CDH22: variants seen among roughly 807,000 people sequenced by gnomAD.
CDH22 encodes cadherin-22.
A neutral mutation model predicts 58.4 loss-of-function variants in CDH22; 30 were observed. The ratio of observed to expected loss-of-function variants is 0.51; its 90% CI spans 0.38 to 0.70. The LOEUF is 0.70. Among genes scored for constraint, CDH22 ranks in the 30% least tolerant of loss-of-function variants. The probability of loss-of-function intolerance (pLI) is 0.00; values close to 1 mark genes in which losing one functional copy is unlikely to be tolerated. For synonymous variants in CDH22, 513 were observed against 558.2 expected, an observed-to-expected ratio of 0.92 and a Z score of 1.14; for missense variants, 1,014 against 1,233.9, an observed-to-expected ratio of 0.82 and a Z score of 2.67.
intron 3 of CDH22, among the ~76,000 whole-genome samples, chr20:46,239,557 C>T (rs956172687): frequency 1.3e-5 from 2 of 152,248 alleles, no homozygotes; most frequent in Non-Finnish European, 2.9e-5. Context: ...GCTGGGCTGA[C>T]AGCACCCTCT....
chr20:46,214,749 C>G (rs1339282557), intron 5 of CDH22, among the ~76,000 whole-genome samples: 1 of 152,230 alleles, frequency 6.6e-6, no homozygotes. Context: ...TCCAGGGAAC[C>G]TTCCCAGACC....
Position 46,186,443 on chromosome 20 carries a change from C to T in CDH22, c.1663+145G>A, listed in dbSNP as rs539538153. The T allele has an allele frequency of 8.9e-6, 6 of 670,990 alleles. No homozygotes were observed. The African/African-American group carries it at 1.1e-4, about 12-fold the overall frequency. 41.6% of individuals were successfully genotyped at this position (670,990 alleles called of 1,614,324 possible). On this transcript the variant is annotated intron_variant, in intron 10 of 11. Transcript: ENST00000537909. ...TGTGTTTGGCCAGTGGGCTGGGTAA[C>T]AGCTCCAGCTTGGCCCAGACTTTCC...
At chr20:46,261,512 A>G (rs1385853357) in intron 1 of CDH22, among the ~76,000 whole-genome samples, 1 of 152,216 alleles carries the variant, frequency 6.6e-6, no homozygotes, top group East Asian at 1.9e-4. Flanking sequence ...GGGAAAGGGT[A>G]GTTCAGGAAG....
intron 8 of CDH22, among the ~76,000 whole-genome samples, chr20:46,191,581 C>A (rs1455573032): frequency 6.6e-6 from 1 of 152,150 alleles, no homozygotes; most frequent in Non-Finnish European, 1.5e-5. Context: ...CCCATTTCGT[C>A]CTGTCAACCA....
intron 1 of CDH22, among the ~76,000 whole-genome samples, chr20:46,303,342 A>G (rs1397334242): frequency 6.6e-6 from 1 of 152,098 alleles, no homozygotes; most frequent in Non-Finnish European, 1.5e-5. Context: ...GACAGCCTGC[A>G]GGTGTGCCTC....
intron 1 of CDH22, among the ~76,000 whole-genome samples, chr20:46,306,921 G>A (rs1348571099): frequency 6.6e-6 from 1 of 152,192 alleles, no homozygotes; most frequent in African/African-American, 2.4e-5. Flanking sequence ...TTGGGCCCTA[G>A]GGCAGTGGTG....
intron 6 of CDH22, among the ~76,000 whole-genome samples, chr20:46,211,108 A>G (rs922024466): frequency 2.0e-5 from 3 of 152,184 alleles, no homozygotes; most frequent in African/African-American, 7.2e-5. Flanking sequence ...GCTGCCTTAG[A>G]GCTTTCCTCT....
In CDH22 at chr20:46,210,388, T is replaced by C; in HGVS notation, c.1205A>G (p.Glu402Gly). 1 of 1,473,254 alleles carries C rather than the reference T, an allele frequency of 6.8e-7. No individual in the cohort carries two copies. The allele number at this position is 1,473,254 out of a possible 1,614,324, so 91.3% of individuals were successfully genotyped here. A position where few individuals can be genotyped will look rare whatever the true frequency, so the allele number is the denominator to read the frequency against. ...PEFRPPSGLLEVQEDAQVGSL... is the reference protein window; with the variant it reads ...PEFRPPSGLLGVQEDAQVGSL... ...GCCCACCTGCGCGTCCTCCTGCACC[T>C]CCAGGAGGCCGGAGGGCGGCCGGAA... The change falls in exon 7 of 12, where the codon GAG (glutamate) becomes GGG (glycine). Residue 402 changes from glutamate (E) to glycine (G), a missense_variant. By Grantham distance (98) the Glu-to-Gly change is moderately conservative (BLOSUM62 -2). Transcript: ENST00000537909. The surrounding 1 kb of genome is among the most constrained non-coding windows in gnomAD (Gnocchi z 4.5).
Position 46,240,958 on chromosome 20 carries a change from C to A in CDH22, c.550+5G>T. 2 of 1,607,978 alleles carry A rather than the reference C, an allele frequency of 1.2e-6. No homozygotes were observed. Among genetic ancestry groups the A allele is most frequent in the Non-Finnish European group, 1.7e-6 (2 of 1,175,754 alleles). On this transcript the variant is annotated splice_donor_5th_base_variant and intron_variant, in intron 3 of 11. Transcript: ENST00000537909. Reference sequence around the variant, plus strand: ...CATCCCCCACCCCCAGGGCCCACAGCCCACCTGTAGGTGAGAGCTCGGCCA... The same window carrying A: ...CATCCCCCACCCCCAGGGCCCACAGACCACCTGTAGGTGAGAGCTCGGCCA...
chr20:46,294,046 T>G (rs1172928639), intron 1 of CDH22, among the ~76,000 whole-genome samples: 1 of 152,168 alleles, frequency 6.6e-6, no homozygotes, highest in Non-Finnish European at 1.5e-5. Context: ...TATGTTTAAC[T>G]TATTGGAGTC....
chr20:46,237,641 C>T (rs1176677268), intron 3 of CDH22, among the ~76,000 whole-genome samples: 3 of 152,162 alleles, frequency 2.0e-5, no homozygotes. Context: ...AATTGAGTCC[C>T]CCCCACTCCC....
chr20:46,241,231 G>C lies in CDH22; in HGVS notation c.282C>G (p.Asp94Glu). 6.2e-7 allele frequency: 1 copy of C among 1,609,362 alleles called. No homozygotes were observed. The highest frequency in any genetic ancestry group is 1.1e-5 in the South Asian group (1 of 90,638). The change falls in exon 3 of 12, where the codon GAC becomes GAG. Residue 94 changes from aspartate to glutamate, a missense_variant. By Grantham distance (45) the Asp-to-Glu change is conservative. Coordinates refer to ENST00000537909, the MANE Select transcript of CDH22 (RefSeq NM_021248.3). The surrounding 1 kb of genome is among the most constrained non-coding windows in gnomAD (Gnocchi z 5.2). ...GKIHSDSDEG[D>E]GAIKYTISGE... is the part of the protein sequence containing the mutation. ...CTGAGATGGTGTACTTGATGGCCCC[G>C]TCACCCTCGTCTGAGTCGGAGTGGA... is the stretch of plus-strand genomic sequence containing the variant.
rs74176857 is a variant in CDH22, at chr20:46,226,231, C to CCTTCTT, written c.670+1271_670+1276dup. Among the ~76,000 whole-genome samples, 376 of 86,588 alleles carry CCTTCTT rather than the reference C, an allele frequency of 4.3e-3. 3 individuals carry two copies. The highest frequency in any genetic ancestry group is 0.043 in the East Asian group (142 of 3,336). The allele number at this position is 86,588 out of a possible 152,430, so 56.8% of individuals were successfully genotyped here. On this transcript the variant is annotated intron_variant, in intron 4 of 11. Transcript: ENST00000537909. ...TCTCTGAAATCTTGGTCTGGCAACA[C>CCTTCTT]CTTCTTCTTCTTCTTCTTCTTCTTC... is the stretch of plus-strand genomic sequence containing the variant.
intron 1 of CDH22, among the ~76,000 whole-genome samples, chr20:46,259,343 G>A (rs182609637): frequency 7.1e-4 from 108 of 152,328 alleles, no homozygotes; most frequent in African/African-American, 2.5e-3. Flanking sequence ...TCCCTGGCAA[G>A]TTTCACAAAT....
rs761393850 is a variant in CDH22, at chr20:46,213,202, G to A, written c.839-14C>T. ...ACTGGTACATCTCTGTGGGGGACAC[G>A]GCCATGAGCAGGGATGAAGGCAGCC... On this transcript the variant is annotated splice_polypyrimidine_tract_variant and intron_variant, in intron 5 of 11. Coordinates refer to ENST00000537909, the MANE Select transcript of CDH22 (RefSeq NM_021248.3). 14 of 1,612,578 alleles carry A rather than the reference G, an allele frequency of 8.7e-6. No individual in the cohort carries two copies. In the South Asian group the frequency reaches 1.1e-4, roughly 13 times the overall value.
In CDH22 at chr20:46,216,472, A is replaced by G. The variant is rs1209927613; in HGVS notation, c.838+354T>C. Among the ~76,000 whole-genome samples the G allele has an allele frequency of 6.6e-6, 1 of 152,184 alleles. No individual in the cohort carries two copies. Among genetic ancestry groups the G allele is most frequent in the Non-Finnish European group, 1.5e-5 (1 of 68,032 alleles). ...TAGGTCAGCGGCATGGGATGGCCCA[A>G]CAAGTGGCTAGGGGAGTGGGCAGGG... On this transcript the variant is annotated intron_variant, in intron 5 of 11. Transcript: ENST00000537909. The surrounding 1 kb of genome is among the most constrained non-coding windows in gnomAD (Gnocchi z 5.3).
chr20:46,245,320 A>G (rs1363538749), intron 2 of CDH22, among the ~76,000 whole-genome samples: 1 of 152,110 alleles, frequency 6.6e-6, no homozygotes, highest in East Asian at 1.9e-4. Context: ...ATTTGGTTGA[A>G]GAGACCTCAC....
chr20:46,215,604 T>A (rs1600700473), intron 5 of CDH22, among the ~76,000 whole-genome samples: 1 of 152,246 alleles, frequency 6.6e-6, no homozygotes, highest in Non-Finnish European at 1.5e-5. Flanking sequence ...CATAGGATTG[T>A]TTGCTTTATA....
chr20:46,220,892 A>C (rs2086119344), intron 4 of CDH22: 1 of 152,584 alleles, frequency 6.6e-6, no homozygotes, highest in African/African-American at 2.4e-5. Flanking sequence ...GACAGTGCCC[A>C]GTGAACCACA....
Sources: gnomAD v4.1 joint callset for allele counts (sites outside exome capture counted in the v4.1 genomes callset) on GRCh38, gnomAD v4.1.1 for gene constraint, Gnocchi (gnomAD v3.1) non-coding constraint, MANE v1.5 for transcripts, NCBI Gene and HGNC (gene_info 2026-07-23, HGNC 2026-07-21) for gene names.